The following CNKSR2 variants were observed in gnomAD, a reference collection of about 807,000 sequenced individuals.
The protein encoded by CNKSR2 is CNK homolog protein 2.
In CNKSR2, 14 loss-of-function variants were observed where a neutral mutation model predicts 84.4. That is an observed-to-expected ratio of 0.17 (90% confidence interval 0.11 to 0.26). The LOEUF is 0.26. Ranked by LOEUF, CNKSR2 falls within the 10% of genes least tolerant of loss-of-function variation. CNKSR2 has a pLI of 1.00. For synonymous variants in CNKSR2, 275 were observed against 277.9 expected (o/e 0.99, Z 0.10); for missense variants, 485 against 771.2 (o/e 0.63, Z 4.40).
chrX:21,485,622 T>C (rs1350937437), intron 5 of CNKSR2, among the ~76,000 whole-genome samples: 1 of 111,571 alleles, frequency 9.0e-6, no homozygotes, highest in Non-Finnish European at 1.9e-5. Context: ...TATGACACTC[T>C]TCAGTTTTAA....
intron 17 of CNKSR2, among the ~76,000 whole-genome samples, chrX:21,600,021 G>A (rs1051103020): frequency 9.0e-6 from 1 of 111,610 alleles, no homozygotes; most frequent in African/African-American, 3.3e-5. Flanking sequence ...TTCTACTCCA[G>A]TCTTTTCTTC....
intron 13 of CNKSR2, among the ~76,000 whole-genome samples, chrX:21,581,293 G>A (rs373638595): frequency 2.7e-5 from 3 of 111,717 alleles, no homozygotes; most frequent in South Asian, 7.4e-4. Flanking sequence ...CCCTGATTTC[G>A]CAGTTGAGGA....
chrX:21,496,339 T>C (rs773853910), intron 6 of CNKSR2, among the ~76,000 whole-genome samples: 1 of 111,720 alleles, frequency 9.0e-6, no homozygotes, highest in Non-Finnish European at 1.9e-5. Context: ...ATGGGGTAAA[T>C]GTTAGCTTCA....
At chrX:21,562,435 C>A (rs2092199913) in intron 12 of CNKSR2, among the ~76,000 whole-genome samples, 1 of 111,702 alleles carries the variant, frequency 9.0e-6, no homozygotes, top group Non-Finnish European at 1.9e-5. Context: ...ACCATATGGA[C>A]AAGCAAGCAT....
chrX:21,499,186 C>T (rs779443281), intron 7 of CNKSR2, among the ~76,000 whole-genome samples: 1 of 111,928 alleles, frequency 8.9e-6, no homozygotes, highest in Admixed American at 9.5e-5. Flanking sequence ...TGCTTGTCAT[C>T]AATTGTTCAT....
intron 17 of CNKSR2, among the ~76,000 whole-genome samples, chrX:21,600,429 A>G (rs1246911297): frequency 8.9e-6 from 1 of 112,335 alleles, no homozygotes; most frequent in Non-Finnish European, 1.9e-5. Context: ...TTTTTCTTCA[A>G]TTTCTGATTT....
chrX:21,380,656 C>G (rs1252454821), intron 1 of CNKSR2, among the ~76,000 whole-genome samples: 2 of 110,388 alleles, frequency 1.8e-5, no homozygotes, highest in East Asian at 5.7e-4. Context: ...CCATGTTGGC[C>G]AAGCTGGTCT....
At chrX:21,400,750 T>A (rs948655882) in intron 1 of CNKSR2, among the ~76,000 whole-genome samples, 1 of 111,542 alleles carries the variant, frequency 9.0e-6, no homozygotes, top group Middle Eastern at 4.2e-3. Context: ...AAAACTGTTC[T>A]ATGAACAAAA....
intron 10 of CNKSR2, among the ~76,000 whole-genome samples, chrX:21,528,080 A>G (rs1233943108): frequency 9.0e-6 from 1 of 111,146 alleles, no homozygotes; most frequent in Admixed American, 9.6e-5. Context: ...AAATATAGCC[A>G]TTGGAACATA....
intron 11 of CNKSR2, among the ~76,000 whole-genome samples, chrX:21,551,053 A>G (rs1242332637): frequency 9.1e-6 from 1 of 110,440 alleles, no homozygotes; most frequent in Non-Finnish European, 1.9e-5. Flanking sequence ...AAATGAGTTT[A>G]TGTCCTTTGC....
At position 21,535,747 on chromosome X, in the gene CNKSR2, C is replaced by A. The variant is rs888627034; in HGVS notation, c.1303+3680C>A. 1.4e-4 allele frequency among the ~76,000 whole-genome samples: 15 copies of A among 110,956 alleles called. 1 individual carries two copies. The highest frequency in any genetic ancestry group is 1.3e-3 in the Admixed American group (14 of 10,454). On this transcript the variant is annotated intron_variant, in intron 11 of 21. Transcript: ENST00000379510. ...CTGCAACTTTATTGAAGTTCTTAAT[C>A]AGTTCTAAGAGTTTTATTGTGGAGT...
chrX:21,465,623 T>C (rs1426892746), intron 4 of CNKSR2, among the ~76,000 whole-genome samples: 2 of 111,336 alleles, frequency 1.8e-5, no homozygotes, highest in Non-Finnish European at 1.9e-5. Context: ...ATAAGACATA[T>C]GGAAATTTAT....
At chrX:21,435,218 T>G (rs2090687653) in intron 3 of CNKSR2, among the ~76,000 whole-genome samples, 1 of 110,874 alleles carries the variant, frequency 9.0e-6, no homozygotes, top group Non-Finnish European at 1.9e-5. Context: ...AAATGTTTAT[T>G]TCACTGTTTA....
intron 4 of CNKSR2, among the ~76,000 whole-genome samples, chrX:21,458,316 A>G (rs2091019366): frequency 8.9e-6 from 1 of 112,829 alleles, no homozygotes; most frequent in Non-Finnish European, 1.9e-5. Flanking sequence ...AGAATAGACA[A>G]AGAACATTTT....
intron 20 of CNKSR2, among the ~76,000 whole-genome samples, chrX:21,640,549 A>G (rs187311744): frequency 8.9e-6 from 1 of 111,919 alleles, no homozygotes; most frequent in African/African-American, 3.2e-5. Flanking sequence ...CTTGTTTGCT[A>G]GATATCAGTG....
intron 11 of CNKSR2, among the ~76,000 whole-genome samples, chrX:21,546,273 C>G (rs1376613350): frequency 9.2e-6 from 1 of 108,514 alleles, no homozygotes; most frequent in African/African-American, 3.4e-5. Context: ...CTTCGTGAAG[C>G]ATACACAAGT....
intron 4 of CNKSR2, among the ~76,000 whole-genome samples, chrX:21,452,703 T>C (rs1442237446): frequency 9.0e-6 from 1 of 110,971 alleles, no homozygotes; most frequent in African/African-American, 3.3e-5. Flanking sequence ...GAATTGGCCG[T>C]GTTCACTGAC....
chrX:21,445,432 C>T (rs761219736), intron 4 of CNKSR2, among the ~76,000 whole-genome samples: 102 of 110,844 alleles, frequency 9.2e-4, no homozygotes, highest in African/African-American at 3.3e-3. Context: ...AAATATTTGT[C>T]ACTTCTTTAG....
At chrX:21,376,675 ACCCCGT>A (rs1300584406) in intron 1 of CNKSR2, among the ~76,000 whole-genome samples, 1 of 111,815 alleles carries the variant, frequency 8.9e-6, no homozygotes, top group Non-Finnish European at 1.9e-5. Context: ...AATGCTTAAA[ACCCCGT>A]TCTTTGAATT....
Sources: gnomAD v4.1 joint callset for allele counts (sites outside exome capture counted in the v4.1 genomes callset) on GRCh38, gnomAD v4.1.1 for gene constraint, MANE v1.5 for transcripts, NCBI Gene and HGNC (gene_info 2026-07-23, HGNC 2026-07-21) for gene names.